Variants in UHMK1 observed in about 807,000 individuals in gnomAD.
The protein encoded by UHMK1 is U2AF homology motif kinase 1.
UHMK1 carries 18 observed loss-of-function variants against 44.0 expected under a neutral mutation model. That is an observed-to-expected ratio of 0.41 (90% CI 0.28 to 0.61). The LOEUF is 0.61. Among genes scored for constraint, UHMK1 ranks in the 20% least tolerant of loss-of-function variants. The probability of loss-of-function intolerance (pLI) is 0.31; values close to 1 mark genes in which losing one functional copy is unlikely to be tolerated. For synonymous variants in UHMK1, 231 were observed against 198.5 expected, an observed-to-expected ratio of 1.16 and a Z score of -1.38; for missense variants, 463 against 522.5, an observed-to-expected ratio of 0.89 and a Z score of 1.11.
At chr1:162,499,896 A>G in intron 1 of UHMK1, 59 bp from the exon 2 acceptor site, 1 of 1,538,862 alleles carries the variant, frequency 6.5e-7, no homozygotes, top group Non-Finnish European at 8.9e-7. Context: ...GCAGTTACCT[A>G]CTTTAGTAGT....
intron 3 of UHMK1, among the ~76,000 whole-genome samples, chr1:162,501,746 A>G (rs1374914285): frequency 2.6e-5 from 4 of 152,176 alleles, no homozygotes; most frequent in Non-Finnish European, 5.9e-5. Flanking sequence ...ACCATAGCTT[A>G]TAAGTTAAAT....
At chr1:162,499,827 T>G in intron 1 of UHMK1, 128 bp from the exon 2 acceptor site, 1 of 832,724 alleles carries the variant, frequency 1.2e-6, no homozygotes, top group Non-Finnish European at 1.8e-6. Context: ...GAAAAATAAA[T>G]TACAGTGGAA....
rs903385109 is a variant in UHMK1 at position 162,527,422 on chromosome 1, T to C, written c.*4872T>C. The C allele has an allele frequency of 6.6e-6, 1 of 152,126 alleles. No homozygotes were observed. The highest frequency in any genetic ancestry group is 2.4e-5 in the African/African-American group (1 of 41,460). 9.4% of individuals were successfully genotyped at this position (152,126 alleles called of 1,614,324 possible). A position where few individuals can be genotyped will look rare whatever the true frequency, so the allele number is the denominator to read the frequency against. On this transcript the variant is annotated 3_prime_UTR_variant, in exon 8 of 8. Transcript: ENST00000489294. ...AAATCAGAGAGTATTTAGGAAACTT[T>C]GTATTTTATAGGTGGTCATTAAAGT...
At position 162,525,594 on chromosome 1, in the gene UHMK1, T is replaced by C. The variant is rs753235763; in HGVS notation, c.*3044T>C. On this transcript the variant is annotated 3_prime_UTR_variant, in exon 8 of 8. Coordinates refer to ENST00000489294, the MANE Select transcript of UHMK1 (RefSeq NM_175866.5). Reference sequence around the variant, plus strand: ...ATTTACAGGACAAAAACAAGTAGAGTTGGACACCTCAGTAAGAGACAGCAT... The same window carrying C: ...ATTTACAGGACAAAAACAAGTAGAGCTGGACACCTCAGTAAGAGACAGCAT... 4 of 152,170 alleles carry C rather than the reference T, an allele frequency of 2.6e-5. No individual in the cohort carries two copies. Among genetic ancestry groups the C allele is most frequent in the Non-Finnish European group, 5.9e-5 (4 of 68,022 alleles). 9.4% of individuals were successfully genotyped at this position (152,170 alleles called of 1,614,324 possible).
chr1:162,504,502 C>T (rs537418628), intron 4 of UHMK1, among the ~76,000 whole-genome samples: 47 of 152,232 alleles, frequency 3.1e-4, no homozygotes, highest in African/African-American at 1.0e-3. Flanking sequence ...ACCTATATAG[C>T]GTGTTACTGT....
chr1:162,514,656 T>C (rs578012601), intron 6 of UHMK1, among the ~76,000 whole-genome samples: 7 of 152,298 alleles, frequency 4.6e-5, no homozygotes. Context: ...TCTATCTAAA[T>C]GCAGTGACTA....
At position 162,502,387 on chromosome 1, in the gene UHMK1, A is replaced by G. The variant is rs117921059; in HGVS notation, c.753+1283A>G. Among the ~76,000 whole-genome samples, 383 of 152,336 alleles carry G rather than the reference A, an allele frequency of 2.5e-3. 2 individuals are homozygous for G. Among genetic ancestry groups the G allele is most frequent in the African/African-American group, 8.6e-3 (356 of 41,586 alleles). On this transcript the variant is annotated intron_variant, in intron 3 of 7. Transcript: ENST00000489294. ...CTGGAAGGGATATTTTAATAGCCCAATGTATGTACCTGATGCTTTTATGGG... is the reference window on the plus strand; with the variant it reads ...CTGGAAGGGATATTTTAATAGCCCAGTGTATGTACCTGATGCTTTTATGGG...
upstream of UHMK1, chr1:162,497,779 C>T: frequency 1.7e-6 from 2 of 1,169,496 alleles, no homozygotes; most frequent in East Asian, 3.3e-5. Context: ...CCCCCTCCTT[C>T]GGCCTGTATG....
At chr1:162,498,859 T>C (rs1233927351) in intron 1 of UHMK1, among the ~76,000 whole-genome samples, 1 of 152,224 alleles carries the variant, frequency 6.6e-6, no homozygotes, top group African/African-American at 2.4e-5. Flanking sequence ...TGTGAAAAGG[T>C]TTCATTTTCA....
intron 4 of UHMK1, among the ~76,000 whole-genome samples, chr1:162,509,118 G>T (rs1283028315): frequency 6.6e-6 from 1 of 152,092 alleles, no homozygotes; most frequent in African/African-American, 2.4e-5. Context: ...CCATTTTTAT[G>T]TGAAAATTAT....
At chr1:162,506,465 T>C (rs1651472227) in intron 4 of UHMK1, among the ~76,000 whole-genome samples, 1 of 152,202 alleles carries the variant, frequency 6.6e-6, no homozygotes. Flanking sequence ...GCTTAATCTG[T>C]AGGAACATTG....
In UHMK1 at chr1:162,526,540, TTGGG is replaced by T; in HGVS notation, c.*3993_*3996del. 6.6e-6 allele frequency: 1 copy of T among 152,178 alleles called. No individual in the cohort carries two copies. Among genetic ancestry groups the T allele is most frequent in the African/African-American group, 2.4e-5 (1 of 41,534 alleles). 9.4% of individuals were successfully genotyped at this position (152,178 alleles called of 1,614,324 possible). On this transcript the variant is annotated 3_prime_UTR_variant, in exon 8 of 8. Coordinates refer to ENST00000489294, the MANE Select transcript of UHMK1 (RefSeq NM_175866.5). ...TTTGCTGGAAAATATTAAAACTCAT[TTGGG>T]TGAAAGCTTCCCAGATGATGATAAT...
At chr1:162,518,387 C>T (rs1374932159) in intron 7 of UHMK1, among the ~76,000 whole-genome samples, 197 bp downstream of exon 7, 2 of 151,772 alleles carry the variant, frequency 1.3e-5, no homozygotes, top group African/African-American at 4.8e-5. Context: ...TTTTTTAGCA[C>T]TTAAAATTTT....
rs530062313 is a variant in UHMK1 at position 162,509,824 on chromosome 1, T to C, written c.849-2676T>C. 2.2e-4 allele frequency among the ~76,000 whole-genome samples: 33 copies of C among 152,018 alleles called. No individual in the cohort carries two copies. The South Asian group carries it at 6.6e-3, about 31-fold the overall frequency. On this transcript the variant is annotated intron_variant, in intron 4 of 7. Coordinates refer to ENST00000489294, the MANE Select transcript of UHMK1 (RefSeq NM_175866.5). The stretch of plus-strand genomic sequence containing the variant: ...TGCCTGGCTAATTTTTTGTATTTTT[T>C]AGTAGAGACGGGATTTCACCATGTT...
chr1:162,510,380 C>CT (rs1651624472), intron 4 of UHMK1, among the ~76,000 whole-genome samples: 1 of 152,220 alleles, frequency 6.6e-6, no homozygotes, highest in African/African-American at 2.4e-5. Context: ...CCTCTCTCCT[C>CT]TAACGCCCCC....
chr1:162,521,320 A>C lies in UHMK1; in HGVS notation c.1114-1084A>C, dbSNP rs1205776689. Among the ~76,000 whole-genome samples, 11 of 152,332 alleles carry C rather than the reference A, an allele frequency of 7.2e-5. No individual in the cohort carries two copies. The East Asian group carries it at 2.1e-3, about 29-fold the overall frequency. On this transcript the variant is annotated intron_variant, in intron 7 of 7. Coordinates refer to ENST00000489294, the MANE Select transcript of UHMK1 (RefSeq NM_175866.5). ...AGAAAAGTATAGCCTATCTGAAGCA[A>C]GGAGTATGATAGAAAACATGATATT...
chr1:162,500,420 A>G (rs1651226994), intron 2 of UHMK1, 173 bp downstream of exon 2: 1 of 769,566 alleles, frequency 1.3e-6, no homozygotes, highest in Admixed American at 3.0e-5. Context: ...CGTGTAAAAA[A>G]AGGACATAAT....
At chr1:162,502,070 GGAGGCTGAGGC>G (rs1651290951) in intron 3 of UHMK1, among the ~76,000 whole-genome samples, 3 of 152,162 alleles carry the variant, frequency 2.0e-5, no homozygotes, top group Non-Finnish European at 4.4e-5. Context: ...CAGCTACCCA[GGAGGCTGAGGC>G]AGGAGGATCA....
intron 6 of UHMK1, among the ~76,000 whole-genome samples, chr1:162,517,230 T>C (rs377580257): frequency 3.7e-4 from 56 of 151,502 alleles, no homozygotes; most frequent in Middle Eastern, 3.4e-3. Context: ...ACCCGGGAGG[T>C]GGAGGTTGCA....
Sources: gnomAD v4.1 joint callset for allele counts (sites outside exome capture counted in the v4.1 genomes callset) on GRCh38, gnomAD v4.1.1 for gene constraint, MANE v1.5 for transcripts, NCBI Gene and HGNC (gene_info 2026-07-23, HGNC 2026-07-21) for gene names.